Variants in FBN2 observed in about 807,000 individuals in gnomAD.
FBN2 encodes fibrillin-2.
A neutral mutation model predicts 355.6 loss-of-function variants in FBN2; 105 were observed. The observed-to-expected ratio is 0.30, with a 90% confidence interval of 0.25 to 0.35. The LOEUF is 0.35. Among genes scored for constraint, FBN2 ranks in the 10% least tolerant of loss-of-function variants. The pLI is 1.00. For missense variants in FBN2, 3,280 were observed against 3,758.7 expected (o/e 0.87, Z 3.33); for synonymous variants, 1,350 against 1,301.2 (o/e 1.04, Z -0.81).
At chr5:128,368,500 A>G (rs1040309728) in intron 16 of FBN2, among the ~76,000 whole-genome samples, 2 of 147,624 alleles carry the variant, frequency 1.4e-5, no homozygotes, top group African/African-American at 2.5e-5. Context: ...ATATATATAC[A>G]TATATATATA....
chr5:128,362,100 T>A (rs953472773), intron 18 of FBN2, among the ~76,000 whole-genome samples: 1 of 152,190 alleles, frequency 6.6e-6, no homozygotes. Flanking sequence ...GAAAGGCACA[T>A]CTCTACTTCA....
At chr5:128,281,446 G>T (rs565444065) in intron 55 of FBN2, among the ~76,000 whole-genome samples, 3 of 152,254 alleles carry the variant, frequency 2.0e-5, no homozygotes, top group South Asian at 4.1e-4. Context: ...TATCTGTTTT[G>T]AAAGCTCTCG....
chr5:128,378,997 A>G (rs1752159187), intron 11 of FBN2, 107 bp from the exon 12 acceptor site: 1 of 1,168,784 alleles, frequency 8.6e-7, no homozygotes, highest in African/African-American at 1.5e-5. Flanking sequence ...GTCAGTGGTA[A>G]TAGTCTAAAT....
Position 128,344,369 on chromosome 5 carries a change from A to G in FBN2, c.3343+16T>C, listed in dbSNP as rs201149794. 6.2e-7 allele frequency: 1 copy of G among 1,613,974 alleles called. No homozygotes were observed. Among genetic ancestry groups the G allele is most frequent in the Admixed American group, 1.7e-5 (1 of 60,030 alleles). On this transcript the variant is annotated intron_variant, in intron 25 of 64. Coordinates refer to ENST00000262464, the MANE Select transcript of FBN2 (RefSeq NM_001999.4). ...ACAGCCAGAGTTTATCAAATAAAAC[A>G]GCAGAACCATCTTACCCGTGCAGTT...
At chr5:128,352,888 T>C (rs1360611066) in intron 20 of FBN2, among the ~76,000 whole-genome samples, 2 of 152,158 alleles carry the variant, frequency 1.3e-5, no homozygotes, top group African/African-American at 2.4e-5. Context: ...AAAATTTACT[T>C]CTGGCCAGAC....
intron 5 of FBN2, among the ~76,000 whole-genome samples, chr5:128,479,280 T>C (rs902745259): frequency 6.6e-6 from 1 of 152,202 alleles, no homozygotes; most frequent in South Asian, 2.1e-4. Flanking sequence ...GAACCTAAAA[T>C]CTCACGTCTT....
At chr5:128,363,997 T>C (rs1358957722) in intron 18 of FBN2, among the ~76,000 whole-genome samples, 4 of 152,180 alleles carry the variant, frequency 2.6e-5, no homozygotes, top group Admixed American at 6.5e-5. Context: ...CAATGATGGA[T>C]TGAATAACAT....
intron 36 of FBN2, among the ~76,000 whole-genome samples, chr5:128,313,517 A>G (rs1399809090): frequency 6.6e-6 from 1 of 152,142 alleles, no homozygotes; most frequent in East Asian, 1.9e-4. Context: ...TGCATTTTCA[A>G]TAAAAGGAAA....
At chr5:128,419,754 A>G (rs764897836) in intron 7 of FBN2, among the ~76,000 whole-genome samples, 66 of 152,254 alleles carry the variant, frequency 4.3e-4, no homozygotes, top group Non-Finnish European at 7.6e-4. Flanking sequence ...GTGCAATGGC[A>G]TGATCTCGGC....
chr5:128,335,133 G>A, intron 30 of FBN2, 37 bp downstream of exon 30: 1 of 1,613,508 alleles, frequency 6.2e-7, no homozygotes, highest in Non-Finnish European at 8.5e-7. Context: ...GTGTGCATGT[G>A]TGTGTATAAA....
At chr5:128,353,599 A>G (rs1364670198) in intron 20 of FBN2, among the ~76,000 whole-genome samples, 1 of 152,258 alleles carries the variant, frequency 6.6e-6, no homozygotes, top group Non-Finnish European at 1.5e-5. Flanking sequence ...GACCTGGACT[A>G]GTTCTGATTT....
At chr5:128,358,183 T>TAA (rs1751551978) in intron 19 of FBN2, among the ~76,000 whole-genome samples, 1 of 152,126 alleles carries the variant, frequency 6.6e-6, no homozygotes, top group East Asian at 1.9e-4. Context: ...GTGAAATAGT[T>TAA]TAACACATGA....
intron 15 of FBN2, 77 bp from the exon 16 acceptor site, chr5:128,369,411 C>G: frequency 6.9e-7 from 1 of 1,455,224 alleles, no homozygotes; most frequent in Non-Finnish European, 9.5e-7. Flanking sequence ...CTTCTTTTAA[C>G]CTAAGTGGCC....
chr5:128,348,409 T>A (rs1751244986), intron 23 of FBN2, among the ~76,000 whole-genome samples: 2 of 152,122 alleles, frequency 1.3e-5, no homozygotes, highest in South Asian at 4.1e-4. Context: ...TAATTTTGTA[T>A]GATTTTACAG....
At chr5:128,456,056 C>T (rs12109592) in intron 6 of FBN2, among the ~76,000 whole-genome samples, 2 of 135,934 alleles carry the variant, frequency 1.5e-5, no homozygotes, top group East Asian at 4.4e-4. Flanking sequence ...TCTCTGGGCA[C>T]GGGGAAGGGC....
At chr5:128,464,976 TAC>T in intron 5 of FBN2, 55 bp from the exon 6 acceptor site, 6 of 1,505,242 alleles carry the variant, frequency 4.0e-6, no homozygotes, top group Non-Finnish European at 5.6e-6. Context: ...ACTAATCTTA[TAC>T]CAGTGCCTCC....
At chr5:128,441,705 G>A (rs1233961335) in intron 7 of FBN2, among the ~76,000 whole-genome samples, 1 of 152,144 alleles carries the variant, frequency 6.6e-6, no homozygotes, top group East Asian at 1.9e-4. Context: ...GGTAAGTGAG[G>A]AATAAATTAT....
At chr5:128,331,054 G>A (rs1227680196) in intron 32 of FBN2, among the ~76,000 whole-genome samples, 1 of 152,130 alleles carries the variant, frequency 6.6e-6, no homozygotes, top group Non-Finnish European at 1.5e-5. Context: ...TTCAGAGCAG[G>A]AAAATTAACA....
chr5:128,469,397 G>C (rs893332604), intron 5 of FBN2, among the ~76,000 whole-genome samples: 3 of 152,072 alleles, frequency 2.0e-5, no homozygotes, highest in Admixed American at 2.0e-4. Flanking sequence ...TGGGTGTGGT[G>C]GTGGGTGCCT....
Sources: allele counts gnomAD v4.1 joint callset (sites outside exome capture counted in the v4.1 genomes callset), GRCh38; gene constraint gnomAD v4.1.1; transcripts MANE v1.5; gene names NCBI Gene and HGNC (gene_info 2026-07-23, HGNC 2026-07-21).